RABGAP1L: variants seen among roughly 807,000 people sequenced by gnomAD.
The protein encoded by RABGAP1L is RAB GTPase activating protein 1 like.
RABGAP1L carries 63 observed loss-of-function variants against 137.7 expected under a neutral mutation model. That is an observed-to-expected ratio of 0.46 (90% CI 0.37 to 0.56). The LOEUF (loss-of-function observed/expected upper bound fraction) is 0.56, where lower values mean the gene tolerates loss of function less well. Ranked by LOEUF, RABGAP1L falls within the 20% of genes least tolerant of loss-of-function variation. The pLI, the probability that RABGAP1L is intolerant of heterozygous loss-of-function variation, is 0.00. For synonymous variants in RABGAP1L, 431 were observed against 433.7 expected (o/e 0.99, Z 0.08); for missense variants, 1,095 against 1,244.0 (o/e 0.88, Z 1.80).
At chr1:174,629,114 G>A (rs984725637) in intron 13 of RABGAP1L, among the ~76,000 whole-genome samples, 3 of 152,144 alleles carry the variant, frequency 2.0e-5, no homozygotes, top group Non-Finnish European at 4.4e-5. Context: ...TTTGCAGAAT[G>A]TTAGGTTTTG....
intron 13 of RABGAP1L, among the ~76,000 whole-genome samples, chr1:174,430,718 A>C (rs1017756490): frequency 6.6e-6 from 1 of 152,180 alleles, no homozygotes; most frequent in Non-Finnish European, 1.5e-5. Context: ...GAAGTCAGTA[A>C]TATGTAGGGT....
At chr1:174,759,283 T>TAAAA (rs59159307) in intron 18 of RABGAP1L, among the ~76,000 whole-genome samples, 2 of 130,666 alleles carry the variant, frequency 1.5e-5, no homozygotes, top group Non-Finnish European at 3.2e-5. Context: ...GTAATTTATT[T>TAAAA]AAAAAAAAAA....
intron 5 of RABGAP1L, 36 bp from the exon 6 acceptor site, chr1:174,250,439 C>T (rs748684927): frequency 3.2e-6 from 5 of 1,542,696 alleles, no homozygotes; most frequent in Non-Finnish European, 8.8e-7. Context: ...CAATTAAAAC[C>T]TTTGCCTAAT....
chr1:174,624,123 T>C (rs184502671), intron 13 of RABGAP1L, among the ~76,000 whole-genome samples: 240 of 152,284 alleles, frequency 1.6e-3, no homozygotes, highest in Admixed American at 3.0e-3. Flanking sequence ...CTGCAGTCAA[T>C]TAGAGTCACA....
chr1:174,384,347 G>T (rs1286903994), intron 12 of RABGAP1L, among the ~76,000 whole-genome samples: 1 of 152,036 alleles, frequency 6.6e-6, no homozygotes, highest in Non-Finnish European at 1.5e-5. Flanking sequence ...TTATGGTAGT[G>T]CTCACAAACC....
chr1:174,739,830 A>G lies in RABGAP1L; in HGVS notation c.2170-12483A>G, dbSNP rs139071744. On this transcript the variant is annotated intron_variant, in intron 17 of 25. Transcript: ENST00000681986. ...AATATTTTTACAGTTGAATGAAACTATATACTCAAAAGTGCTTTGCAGTAA... is the reference window on the plus strand; with the variant it reads ...AATATTTTTACAGTTGAATGAAACTGTATACTCAAAAGTGCTTTGCAGTAA... 5.7e-3 allele frequency among the ~76,000 whole-genome samples: 864 copies of G among 152,354 alleles called. 2 individuals are homozygous for G. The highest frequency in any genetic ancestry group is 0.017 in the Middle Eastern group (5 of 294).
At chr1:174,946,940 ATGTGTGTGTGTGTGTGTG>A (rs755558389) in intron 19 of RABGAP1L, among the ~76,000 whole-genome samples, 1 of 60,938 alleles carries the variant, frequency 1.6e-5, no homozygotes, top group Non-Finnish European at 2.8e-5. Context: ...ATATATATAT[ATGTGTGTGTGTGTGTGTG>A]TGTGTGTGTG....
At chr1:174,987,928 G>C (rs1671742174) in intron 24 of RABGAP1L, among the ~76,000 whole-genome samples, 2 of 152,144 alleles carry the variant, frequency 1.3e-5, no homozygotes, top group African/African-American at 4.8e-5. Context: ...TCCTGCCTCA[G>C]CCTCCCGAGT....
intron 5 of RABGAP1L, among the ~76,000 whole-genome samples, chr1:174,246,990 C>T (rs923009141): frequency 3.9e-5 from 6 of 152,150 alleles, no homozygotes; most frequent in African/African-American, 1.2e-4. Flanking sequence ...AATGTACTGT[C>T]GTGTTCTTTC....
At chr1:174,325,365 A>G (rs988348341) in intron 11 of RABGAP1L, among the ~76,000 whole-genome samples, 13 of 152,330 alleles carry the variant, frequency 8.5e-5, no homozygotes, top group African/African-American at 3.1e-4. Flanking sequence ...ACAAGATGGC[A>G]GAGTTTCTTT....
intron 13 of RABGAP1L, among the ~76,000 whole-genome samples, chr1:174,616,615 T>C (rs1488051636): frequency 6.6e-6 from 1 of 152,120 alleles, no homozygotes; most frequent in Non-Finnish European, 1.5e-5. Context: ...ATTGATTAAG[T>C]GAGGAAAAGG....
intron 12 of RABGAP1L, among the ~76,000 whole-genome samples, chr1:174,390,308 CAAACAA>C (rs1687119224): frequency 6.6e-6 from 1 of 152,056 alleles, no homozygotes; most frequent in African/African-American, 2.4e-5. Flanking sequence ...TATGCCTGGC[CAAACAA>C]GTGGCTGAGG....
At chr1:174,656,486 A>G (rs1220298305) in intron 14 of RABGAP1L, among the ~76,000 whole-genome samples, 1 of 152,176 alleles carries the variant, frequency 6.6e-6, no homozygotes. Context: ...GAATAAATGT[A>G]CAATTCATTG....
chr1:174,493,515 G>A (rs1660454180), intron 13 of RABGAP1L, among the ~76,000 whole-genome samples: 1 of 151,886 alleles, frequency 6.6e-6, no homozygotes, highest in Admixed American at 6.6e-5. Context: ...CAATATTAAA[G>A]TTGATGATAA....
chr1:174,734,868 A>G (rs1002920636), intron 17 of RABGAP1L, among the ~76,000 whole-genome samples: 2 of 150,680 alleles, frequency 1.3e-5, no homozygotes, highest in Admixed American at 1.3e-4. Flanking sequence ...AATTCTTCAG[A>G]TTGCATTGAG....
intron 11 of RABGAP1L, chr1:174,367,450 G>T: frequency 9.5e-6 from 2 of 210,042 alleles, no homozygotes; most frequent in East Asian, 1.4e-4. Context: ...TGTTCAACTG[G>T]GCCTGAACCT....
intron 1 of RABGAP1L, among the ~76,000 whole-genome samples, chr1:174,167,065 G>T (rs1356939009): frequency 2.0e-5 from 3 of 152,170 alleles, no homozygotes; most frequent in Non-Finnish European, 4.4e-5. Context: ...ATTTTAGAAG[G>T]TGTCAGCAGT....
At chr1:174,271,612 T>C (rs1015287778) in intron 7 of RABGAP1L, among the ~76,000 whole-genome samples, 1 of 152,034 alleles carries the variant, frequency 6.6e-6, no homozygotes, top group South Asian at 2.1e-4. Context: ...TGAATTTGGG[T>C]AAATTGCTTA....
At chr1:174,748,875 T>TA (rs879514176) in intron 17 of RABGAP1L, among the ~76,000 whole-genome samples, 99 of 141,692 alleles carry the variant, frequency 7.0e-4, no homozygotes, top group African/African-American at 1.2e-3. Flanking sequence ...ACTCTGTTCT[T>TA]AAAAAAAAAA....
Sources: allele counts gnomAD v4.1 joint callset (sites outside exome capture counted in the v4.1 genomes callset), GRCh38; gene constraint gnomAD v4.1.1; transcripts MANE v1.5; gene names NCBI Gene and HGNC (gene_info 2026-07-23, HGNC 2026-07-21).